RIPOR3: variants seen among roughly 807,000 people sequenced by gnomAD.
RIPOR3 encodes the protein RIPOR family member 3.
RIPOR3 carries 95 observed loss-of-function variants against 114.3 expected under a neutral mutation model. The observed-to-expected ratio is 0.83, with a 90% CI of 0.70 to 0.99. The LOEUF is 0.99. Among genes scored for constraint, RIPOR3 ranks in the 50% least tolerant of loss-of-function variants. The pLI is 0.00. For missense variants in RIPOR3, 1,252 were observed against 1,266.9 expected (o/e 0.99, Z 0.18); for synonymous variants, 575 against 543.8 (o/e 1.06, Z -0.80).
chr20:50,593,222 G>T, intron 17 of RIPOR3, 26 bp from the exon 18 acceptor site: 1 of 1,602,832 alleles, frequency 6.2e-7, no homozygotes, highest in South Asian at 1.1e-5. Context: ...AGTACATCAG[G>T]AGAAACTGAG....
intron 8 of RIPOR3, 133 bp downstream of exon 8, chr20:50,609,160 G>A (rs1190007982): frequency 3.9e-6 from 5 of 1,289,484 alleles, no homozygotes; most frequent in Non-Finnish European, 5.4e-6. Context: ...CTTGCCAGAA[G>A]TCACATGTCA....
chr20:50,665,420 C>CTTTTT (rs1220979095), intron 1 of RIPOR3, among the ~76,000 whole-genome samples: 1 of 45,814 alleles, frequency 2.2e-5, no homozygotes, highest in African/African-American at 5.5e-5. Context: ...GCCCCCTCTT[C>CTTTTT]CTTTTTTTTT....
chr20:50,607,395 G>A (rs939344726), intron 11 of RIPOR3, among the ~76,000 whole-genome samples: 3 of 152,176 alleles, frequency 2.0e-5, no homozygotes, highest in African/African-American at 7.2e-5. Flanking sequence ...CCTTGCACTC[G>A]GAGTAGGTAG....
At chr20:50,637,882 A>T (rs537530607) in intron 1 of RIPOR3, among the ~76,000 whole-genome samples, 1,539 of 152,096 alleles carry the variant, frequency 0.01, 23 homozygotes, top group African/African-American at 0.035. Flanking sequence ...CTCAAAAAAA[A>T]ATTTTTTTAA....
chr20:50,641,060 C>T (rs1416614637), intron 1 of RIPOR3, among the ~76,000 whole-genome samples: 1 of 151,930 alleles, frequency 6.6e-6, no homozygotes, highest in Non-Finnish European at 1.5e-5. Flanking sequence ...CAGGCATGCA[C>T]CACCACGCCT....
intron 1 of RIPOR3, among the ~76,000 whole-genome samples, chr20:50,638,158 G>A (rs2085055903): frequency 6.6e-6 from 1 of 152,214 alleles, no homozygotes; most frequent in African/African-American, 2.4e-5. Context: ...GGAGCCAGGA[G>A]GGGACACCCA....
chr20:50,625,232 G>A (rs948669166), intron 2 of RIPOR3, among the ~76,000 whole-genome samples: 1 of 152,100 alleles, frequency 6.6e-6, no homozygotes, highest in Non-Finnish European at 1.5e-5. Context: ...AATTACACTC[G>A]GCTAATTTTT....
rs1409416388 is a variant in RIPOR3 at position 50,597,610 on chromosome 20, A to G, written c.1760T>C (p.Leu587Pro). The change falls in exon 14 of 22, where the codon CTG becomes CCG. Residue 587 changes from leucine to proline, a missense_variant. By Grantham distance (98) the Leu-to-Pro change is moderately conservative. Transcript: ENST00000327979. ...ACCCTGGGAGCCCCCAAACAGGGACAGCTCATCCAGGGCGAAGTCGGCATT... is the reference window on the plus strand; with the variant it reads ...ACCCTGGGAGCCCCCAAACAGGGACGGCTCATCCAGGGCGAAGTCGGCATT... ...FLNADFALDE[L>P]SLFGGSQGLR... 1 of 1,610,552 alleles carries G rather than the reference A, an allele frequency of 6.2e-7. No individual in the cohort carries two copies. The highest frequency in any genetic ancestry group is 1.1e-5 in the South Asian group (1 of 90,292).
chr20:50,620,729 C>T, intron 2 of RIPOR3: 1 of 434,920 alleles, frequency 2.3e-6, no homozygotes, highest in Non-Finnish European at 4.1e-6. Flanking sequence ...AAAGCTTTTC[C>T]ACCATGGCTG....
chr20:50,619,624 G>A (rs1026347788), intron 3 of RIPOR3, among the ~76,000 whole-genome samples: 17 of 152,196 alleles, frequency 1.1e-4, no homozygotes, highest in African/African-American at 3.9e-4. Context: ...ACTGTTGCCT[G>A]TCTGCCGAGG....
At chr20:50,651,165 C>T (rs906536724) in intron 1 of RIPOR3, among the ~76,000 whole-genome samples, 2 of 152,070 alleles carry the variant, frequency 1.3e-5, no homozygotes, top group African/African-American at 4.8e-5. Context: ...TTTTCCATTG[C>T]AGGCTTTGGA....
chr20:50,597,506 C>T, intron 14 of RIPOR3, 74 bp downstream of exon 14: 1 of 1,538,572 alleles, frequency 6.5e-7, no homozygotes, highest in Non-Finnish European at 8.8e-7. Context: ...GGGAGGCTGG[C>T]AGGAAACGTG....
At position 50,616,079 on chromosome 20, in the gene RIPOR3, C is replaced by G. The variant is rs2084162551; in HGVS notation, c.271G>C (p.Glu91Gln). The G allele has an allele frequency of 6.2e-7, 1 of 1,611,092 alleles. No individual in the cohort carries two copies. Among genetic ancestry groups the G allele is most frequent in the African/African-American group, 1.3e-5 (1 of 74,964 alleles). The stretch of plus-strand genomic sequence containing the variant: ...TCAGCCTGCTGCACACACAGATACT[C>G]CCTGCAAGGAAAGCAAGGAAGAGTT... ...IFEALKRGLK[E>Q]YLCVQQAELD... Residue 91 changes from glutamate to glutamine, a missense_variant and splice_region_variant, in exon 4 of 22, where the codon GAG becomes CAG. By Grantham distance (29) the Glu-to-Gln change is conservative. Coordinates refer to ENST00000327979, the MANE Select transcript of RIPOR3 (RefSeq NM_001290268.2).
At chr20:50,620,243 C>A (rs2084348336) in intron 2 of RIPOR3, 111 bp from the exon 3 acceptor site, 4 of 1,304,394 alleles carry the variant, frequency 3.1e-6, no homozygotes, top group East Asian at 4.8e-5. Flanking sequence ...GTCAGGAGAC[C>A]CGGCTCAGTC....
chr20:50,684,414 A>G (rs114979803), intron 1 of RIPOR3, among the ~76,000 whole-genome samples: 176 of 152,326 alleles, frequency 1.2e-3, no homozygotes, highest in African/African-American at 3.9e-3. Flanking sequence ...AAGAACAGCA[A>G]TTGTGGGGAG....
intron 1 of RIPOR3, among the ~76,000 whole-genome samples, chr20:50,671,424 GCGCGCACACA>G (rs146676825): frequency 0.25 from 22,438 of 91,184 alleles, 1,849 homozygotes; most frequent in East Asian, 0.38. Context: ...GTGCACGCGC[GCGCGCACACA>G]CACACACACA....
intron 1 of RIPOR3, among the ~76,000 whole-genome samples, chr20:50,633,776 A>T (rs1479067358): frequency 6.6e-6 from 1 of 152,174 alleles, no homozygotes; most frequent in African/African-American, 2.4e-5. Flanking sequence ...CCTCCTGCTC[A>T]GTGTGAGAGA....
At chr20:50,592,301 C>G in intron 19 of RIPOR3, 43 bp downstream of exon 19, 1 of 1,500,008 alleles carries the variant, frequency 6.7e-7, no homozygotes, top group African/African-American at 1.4e-5. Flanking sequence ...CCTATGCCCA[C>G]ACATCTGTGG....
chr20:50,680,830 T>G (rs1262262837), intron 1 of RIPOR3, among the ~76,000 whole-genome samples: 4 of 152,178 alleles, frequency 2.6e-5, no homozygotes, highest in South Asian at 2.1e-4. Context: ...CAGGTACAAG[T>G]GTGAGTGGCA....
Sources: allele counts gnomAD v4.1 joint callset (sites outside exome capture counted in the v4.1 genomes callset), GRCh38; gene constraint gnomAD v4.1.1; transcripts MANE v1.5; gene names NCBI Gene and HGNC (gene_info 2026-07-23, HGNC 2026-07-21).